Variants in RASA3 observed in about 807,000 individuals in gnomAD.
RASA3 encodes ras GTPase-activating protein 3.
Under a neutral mutation model 110.0 loss-of-function variants are expected in RASA3, and 73 were observed. The ratio of observed to expected loss-of-function variants is 0.66; its 90% CI spans 0.55 to 0.81. The LOEUF is 0.81. Among genes scored for constraint, RASA3 ranks in the 30% least tolerant of loss-of-function variants. The pLI is 0.00. For missense variants in RASA3, 976 were observed against 1,113.2 expected (o/e 0.88, Z 1.75); for synonymous variants, 500 against 451.4 (o/e 1.11, Z -1.37).
chr13:114,087,839 C>G (rs577169201), intron 1 of RASA3, among the ~76,000 whole-genome samples: 1 of 152,264 alleles, frequency 6.6e-6, no homozygotes, highest in East Asian at 1.9e-4. Context: ...AACCTTAAAT[C>G]GGATAATGAG....
In RASA3 at chr13:114,041,631, C is replaced by T. The variant is rs59306262; in HGVS notation, c.278-537G>A. On this transcript the variant is annotated intron_variant, in intron 3 of 23. Coordinates refer to ENST00000334062, the MANE Select transcript of RASA3 (RefSeq NM_007368.4). Reference sequence around the variant, plus strand: ...CAGCAGCATCACGCCACAAGAGACACGTGTGCACCCGTGCGAGCGACAGCC... The same window carrying T: ...CAGCAGCATCACGCCACAAGAGACATGTGTGCACCCGTGCGAGCGACAGCC... Among the ~76,000 whole-genome samples the T allele has an allele frequency of 5.5e-3, 832 of 152,364 alleles. 7 individuals carry two copies. The highest frequency in any genetic ancestry group is 0.018 in the African/African-American group (766 of 41,576).
At chr13:113,980,015 CCCA>C (rs544513683) in intron 23 of RASA3, among the ~76,000 whole-genome samples, 108 of 148,286 alleles carry the variant, frequency 7.3e-4, no homozygotes, top group Admixed American at 1.3e-3. Flanking sequence ...GTGTACACCT[CCCA>C]CGTGTGCACC....
At chr13:114,045,182 A>G (rs369244377) in intron 3 of RASA3, among the ~76,000 whole-genome samples, 1 of 152,138 alleles carries the variant, frequency 6.6e-6, no homozygotes, top group Admixed American at 6.5e-5. Flanking sequence ...ACCTGAGAGA[A>G]TGCCTGATCT....
At chr13:114,110,713 G>C (rs1049175942) in intron 1 of RASA3, among the ~76,000 whole-genome samples, 1 of 152,190 alleles carries the variant, frequency 6.6e-6, no homozygotes, top group African/African-American at 2.4e-5. Context: ...GGCATGACAC[G>C]CACATCACAG....
rs2053815484 is a variant in RASA3 at position 114,017,312 on chromosome 13, G to A, written c.1131C>T (p.Ser377=). ...NTIFRGNSLA[S]KCIDETMKLA... ...GCTTCATGGTCTCGTCGATGCACTT[G>A]GACGCCAGTGAGTTTCCTCGGAAGA... The change falls in exon 12 of 24, where the codon TCC becomes TCT. Residue 377 remains serine (S), a synonymous_variant. Transcript: ENST00000334062. 1 of 1,614,018 alleles carries A rather than the reference G, an allele frequency of 6.2e-7. No homozygotes were observed. The highest frequency in any genetic ancestry group is 1.1e-5 in the South Asian group (1 of 91,080).
intron 23 of RASA3, among the ~76,000 whole-genome samples, chr13:113,980,982 A>T (rs566588712): frequency 6.6e-6 from 1 of 152,190 alleles, no homozygotes; most frequent in Admixed American, 6.5e-5. Flanking sequence ...TCTAGGGCTT[A>T]CCCGCCCCTG....
At chr13:114,066,567 G>A (rs988218755) in intron 2 of RASA3, among the ~76,000 whole-genome samples, 3 of 152,230 alleles carry the variant, frequency 2.0e-5, no homozygotes, top group Admixed American at 2.0e-4. Context: ...AGGCACAGGC[G>A]GCCGATGAGT....
At chr13:114,109,540 G>C (rs2080186919) in intron 1 of RASA3, among the ~76,000 whole-genome samples, 1 of 152,182 alleles carries the variant, frequency 6.6e-6, no homozygotes, top group Non-Finnish European at 1.5e-5. Flanking sequence ...CGTTGACACA[G>C]GGTCCTCTCT....
rs2139593339 is a variant in RASA3, at chr13:114,057,737, A to G, written c.174-5582T>C. Among the ~76,000 whole-genome samples the G allele has an allele frequency of 6.6e-6, 1 of 152,288 alleles. No individual in the cohort carries two copies. Among genetic ancestry groups the G allele is most frequent in the African/African-American group, 2.4e-5 (1 of 41,562 alleles). On this transcript the variant is annotated intron_variant, in intron 2 of 23. Coordinates refer to ENST00000334062, the MANE Select transcript of RASA3 (RefSeq NM_007368.4). The surrounding 1 kb of genome is among the most constrained non-coding windows in gnomAD (Gnocchi z 5.0). ...ACCTTCTGGGGGCAGTTAACCTCTG[A>G]GAATGAACCCACAGCTAAAACCCAT...
intron 1 of RASA3, among the ~76,000 whole-genome samples, chr13:114,082,108 C>T (rs1868928292): frequency 6.6e-6 from 1 of 152,226 alleles, no homozygotes; most frequent in African/African-American, 2.4e-5. Flanking sequence ...TGGGTGCAGC[C>T]AGGACTGAGA....
rs556284917 is a variant in RASA3, at chr13:113,990,854, G to A, written c.2245+1631C>T. 1.2e-3 allele frequency among the ~76,000 whole-genome samples: 189 copies of A among 152,312 alleles called. 2 individuals carry two copies. Among genetic ancestry groups the A allele is most frequent in the Admixed American group, 3.7e-3 (57 of 15,274 alleles). ...GTTCATTTCACACATGTATTGCTGG[G>A]AACATGTGTGTACATGGCTATGCAT... On this transcript the variant is annotated intron_variant, in intron 22 of 23. Transcript: ENST00000334062.
chr13:114,051,341 G>A (rs563319852), intron 3 of RASA3, among the ~76,000 whole-genome samples: 4 of 152,336 alleles, frequency 2.6e-5, no homozygotes, highest in East Asian at 1.9e-4. Context: ...CTCTCCCAGC[G>A]TCACGGCGGG....
chr13:114,013,407 C>CTGTT (rs2053686509), intron 14 of RASA3, among the ~76,000 whole-genome samples, 159 bp from the exon 15 acceptor site: 1 of 150,540 alleles, frequency 6.6e-6, no homozygotes, highest in African/African-American at 2.5e-5. Context: ...GTTTCCCTCT[C>CTGTT]TCCCTCTCTC....
At chr13:113,994,768 T>G (rs2053194889) in intron 21 of RASA3, among the ~76,000 whole-genome samples, 1 of 152,138 alleles carries the variant, frequency 6.6e-6, no homozygotes, top group Non-Finnish European at 1.5e-5. Flanking sequence ...CCCAGAAGTT[T>G]GAGACCAGTC....
At chr13:114,062,841 C>T (rs761513435) in intron 2 of RASA3, among the ~76,000 whole-genome samples, 8 of 152,242 alleles carry the variant, frequency 5.3e-5, no homozygotes, top group South Asian at 2.1e-4. Context: ...AGAGGAAGGA[C>T]GCCTGGACCC....
At chr13:114,030,243 C>T (rs1409456809) in intron 4 of RASA3, among the ~76,000 whole-genome samples, 4 of 152,234 alleles carry the variant, frequency 2.6e-5, no homozygotes, top group African/African-American at 9.6e-5. Context: ...GTGTGTCCGT[C>T]GGGACAAACC....
At chr13:114,106,571 T>A (rs1017913543) in intron 1 of RASA3, among the ~76,000 whole-genome samples, 2 of 152,244 alleles carry the variant, frequency 1.3e-5, no homozygotes, top group Non-Finnish European at 1.5e-5. Context: ...TGTAAATAAA[T>A]GCCCATTTTA....
intron 2 of RASA3, among the ~76,000 whole-genome samples, chr13:114,069,639 AG>A (rs1374612513): frequency 1.7e-3 from 11 of 6,506 alleles, no homozygotes; most frequent in Admixed American, 2.2e-3. Flanking sequence ...AGACTCGGGG[AG>A]CCGGGAGACT....
chr13:113,984,308 C>CA (rs2053000421), intron 22 of RASA3, among the ~76,000 whole-genome samples: 3 of 124,350 alleles, frequency 2.4e-5, no homozygotes, highest in Admixed American at 8.3e-5. Flanking sequence ...ATCACTCACC[C>CA]TATCCATCCA....
Sources: gnomAD v4.1 joint callset for allele counts (sites outside exome capture counted in the v4.1 genomes callset) on GRCh38, gnomAD v4.1.1 for gene constraint, Gnocchi (gnomAD v3.1) non-coding constraint, MANE v1.5 for transcripts, NCBI Gene and HGNC (gene_info 2026-07-23, HGNC 2026-07-21) for gene names.